Variants in LRRC7 observed in about 807,000 individuals in gnomAD.
LRRC7 encodes leucine-rich repeat-containing protein 7.
Under a neutral mutation model 175.7 loss-of-function variants are expected in LRRC7, and 23 were observed. The observed-to-expected ratio is 0.13, with a 90% CI of 0.09 to 0.19. The LOEUF (loss-of-function observed/expected upper bound fraction) is 0.19. Ranked by LOEUF, LRRC7 falls within the 10% of genes least tolerant of loss-of-function variation. LRRC7 has a pLI of 1.00. For missense variants in LRRC7, 1,354 were observed against 1,904.7 expected (o/e 0.71, Z 5.38); for synonymous variants, 685 against 680.9 (o/e 1.01, Z -0.09).
At chr1:69,964,439 A>T (rs1651457203) in intron 8 of LRRC7, among the ~76,000 whole-genome samples, 1 of 152,216 alleles carries the variant, frequency 6.6e-6, no homozygotes, top group Admixed American at 6.5e-5. Flanking sequence ...ACCATTATGC[A>T]TACTGCCTGT....
intron 3 of LRRC7, among the ~76,000 whole-genome samples, chr1:69,767,343 A>C (rs1671738835): frequency 6.6e-6 from 1 of 152,176 alleles, no homozygotes; most frequent in South Asian, 2.1e-4. Context: ...CATATGTGTA[A>C]CTATTTTCTT....
intron 26 of LRRC7, among the ~76,000 whole-genome samples, chr1:70,117,526 T>C (rs1374112868): frequency 6.6e-6 from 1 of 151,960 alleles, no homozygotes; most frequent in Non-Finnish European, 1.5e-5. Flanking sequence ...GTCTAAATCA[T>C]GAAAAGAGAC....
intron 25 of LRRC7, among the ~76,000 whole-genome samples, chr1:70,106,007 TAC>T (rs145728254): frequency 6.6e-6 from 1 of 151,994 alleles, no homozygotes; most frequent in South Asian, 2.1e-4. Flanking sequence ...CACACACATA[TAC>T]ACACACACAC....
intron 2 of LRRC7, among the ~76,000 whole-genome samples, chr1:69,708,883 G>T (rs1395949143): frequency 6.6e-6 from 1 of 152,158 alleles, no homozygotes; most frequent in Non-Finnish European, 1.5e-5. Context: ...TTGAGAACCG[G>T]TCCACCATTA....
intron 7 of LRRC7, among the ~76,000 whole-genome samples, chr1:69,927,231 GCCCTTAA>G (rs2101756869): frequency 6.6e-6 from 1 of 152,280 alleles, no homozygotes; most frequent in African/African-American, 2.4e-5. Context: ...CTCTCTGGCT[GCCCTTAA>G]CATTTTTTCC....
At chr1:69,706,269 CAACT>C (rs1664027977) in intron 2 of LRRC7, among the ~76,000 whole-genome samples, 1 of 152,004 alleles carries the variant, frequency 6.6e-6, no homozygotes, top group African/African-American at 2.4e-5. Flanking sequence ...TGTTCAGGTC[CAACT>C]ATCTTGAGCA....
chr1:69,657,244 A>G (rs895355631), intron 1 of LRRC7, among the ~76,000 whole-genome samples: 2 of 151,852 alleles, frequency 1.3e-5, no homozygotes, highest in Admixed American at 1.3e-4. Context: ...GATTAATCTG[A>G]AAGACTAAAA....
At chr1:69,883,598 T>C (rs1305469990) in intron 7 of LRRC7, among the ~76,000 whole-genome samples, 18 of 99,890 alleles carry the variant, frequency 1.8e-4, no homozygotes, top group African/African-American at 7.0e-4. Context: ...TGTTTTGCTG[T>C]GCAAAAGCTC....
intron 2 of LRRC7, among the ~76,000 whole-genome samples, chr1:69,710,794 A>C (rs913413502): frequency 6.6e-6 from 1 of 152,152 alleles, no homozygotes; most frequent in Non-Finnish European, 1.5e-5. Context: ...AATCTGTTTT[A>C]GATCCCTGCC....
chr1:69,676,093 T>C (rs1042037672), intron 1 of LRRC7, among the ~76,000 whole-genome samples: 4 of 151,462 alleles, frequency 2.6e-5, no homozygotes, highest in African/African-American at 9.7e-5. Context: ...GAAAGTATAT[T>C]TGGAAGACTT....
chr1:69,895,119 C>T (rs897714584), intron 7 of LRRC7, among the ~76,000 whole-genome samples: 1 of 152,140 alleles, frequency 6.6e-6, no homozygotes, highest in Admixed American at 6.6e-5. Flanking sequence ...GTAATCCCAG[C>T]TACTCGGGAG....
intron 1 of LRRC7, among the ~76,000 whole-genome samples, chr1:69,610,638 A>C (rs1448584786): frequency 6.6e-6 from 1 of 151,974 alleles, no homozygotes; most frequent in Admixed American, 6.6e-5. Flanking sequence ...TTGTATTTTA[A>C]TGTAATTAAA....
chr1:69,895,086 G>A (rs6656108), intron 7 of LRRC7, among the ~76,000 whole-genome samples: 6,634 of 152,204 alleles, frequency 0.044, 208 homozygotes, highest in Non-Finnish European at 0.066. Context: ...CACAAAATTA[G>A]CCAGGCGTGG....
intron 7 of LRRC7, among the ~76,000 whole-genome samples, chr1:69,853,484 G>A (rs552690043): frequency 4.0e-5 from 6 of 151,784 alleles, no homozygotes; most frequent in Non-Finnish European, 7.4e-5. Context: ...TCACCATGTT[G>A]GCCAGGCTGG....
At chr1:69,781,727 GAAAGAA>G (rs766278650) in intron 3 of LRRC7, among the ~76,000 whole-genome samples, 369 of 30,374 alleles carry the variant, frequency 0.012, 9 homozygotes, top group Non-Finnish European at 0.016. Context: ...AAGAAAGAAA[GAAAGAA>G]AGAGAGAGAG....
intron 10 of LRRC7, among the ~76,000 whole-genome samples, chr1:69,990,598 C>T (rs897439932): frequency 6.6e-6 from 1 of 151,816 alleles, no homozygotes; most frequent in Non-Finnish European, 1.5e-5. Flanking sequence ...TACTGCATAA[C>T]TTTAGAATTT....
At chr1:69,952,293 A>G (rs1650020963) in intron 8 of LRRC7, among the ~76,000 whole-genome samples, 1 of 152,038 alleles carries the variant, frequency 6.6e-6, no homozygotes, top group African/African-American at 2.4e-5. Flanking sequence ...TGTCAAACAT[A>G]TGATATGTTT....
chr1:70,060,332 C>A (rs1176197009), intron 23 of LRRC7, among the ~76,000 whole-genome samples: 1 of 151,156 alleles, frequency 6.6e-6, no homozygotes, highest in East Asian at 1.9e-4. Context: ...CCCCACCCCC[C>A]CAAAAAAAAA....
At chr1:69,764,964 C>T (rs551041530) in intron 3 of LRRC7, among the ~76,000 whole-genome samples, 8 of 151,948 alleles carry the variant, frequency 5.3e-5, no homozygotes, top group Admixed American at 2.0e-4. Flanking sequence ...GTTGACTATT[C>T]GACAAAAAAT....
Sources: allele counts gnomAD v4.1 joint callset (sites outside exome capture counted in the v4.1 genomes callset), GRCh38; gene constraint gnomAD v4.1.1; transcripts MANE v1.5; gene names NCBI Gene and HGNC (gene_info 2026-07-23, HGNC 2026-07-21).